Variants in PCDHGA6 observed in about 807,000 individuals in gnomAD.
PCDHGA6 encodes the protein protocadherin gamma subfamily A, 6.
In PCDHGA6, 41 loss-of-function variants were observed where a neutral mutation model predicts 60.6. That is an observed-to-expected ratio of 0.68 (90% CI 0.53 to 0.88). The LOEUF is 0.88. Ranked by LOEUF, PCDHGA6 falls within the 40% of genes least tolerant of loss-of-function variation. PCDHGA6 has a pLI of 0.00. For missense variants in PCDHGA6, 1,312 were observed against 1,203.0 expected (o/e 1.09, Z -1.34); for synonymous variants, 594 against 524.4 (o/e 1.13, Z -1.81).
At chr5:141,387,089 G>T (rs1034064461) in intron 1 of PCDHGA6, among the ~76,000 whole-genome samples, 1 of 152,162 alleles carries the variant, frequency 6.6e-6, no homozygotes, top group African/African-American at 2.4e-5. Flanking sequence ...TGTGATCATC[G>T]AAATGAGAAT....
At position 141,426,367 on chromosome 5, in the gene PCDHGA6, G is replaced by A. The variant is rs557191606; in HGVS notation, c.2424+49860G>A. The A allele has an allele frequency of 8.2e-4, 168 of 204,486 alleles. 3 individuals are homozygous for A. The South Asian group carries it at 0.014, about 17-fold the overall frequency. 12.7% of individuals were successfully genotyped at this position (204,486 alleles called of 1,614,324 possible). ...TTTCCTGCTGCCTTTGTTCTGCGGG[G>A]CACCCTCGGAGCAGATCCGCTACTC... is the stretch of plus-strand genomic sequence containing the variant. On this transcript the variant is annotated intron_variant, in intron 1 of 3. Transcript: ENST00000517434.
chr5:141,399,263 A>G, intron 1 of PCDHGA6: 9 of 1,613,918 alleles, frequency 5.6e-6, no homozygotes, highest in Non-Finnish European at 7.6e-6. Context: ...GGGGAGGTTA[A>G]TTGTCAATTA....
chr5:141,441,018 TG>T (rs1482478700), intron 1 of PCDHGA6: 1 of 152,164 alleles, frequency 6.6e-6, no homozygotes, highest in Non-Finnish European at 1.5e-5. Context: ...GATCAAATAG[TG>T]GAGAAATGAA....
intron 1 of PCDHGA6, chr5:141,427,723 G>T: frequency 8.9e-7 from 1 of 1,127,490 alleles, no homozygotes; most frequent in East Asian, 2.4e-5. Flanking sequence ...CTGGACCTAG[G>T]GCTGAATGGC....
At chr5:141,410,683 A>G (rs775289402) in intron 1 of PCDHGA6, 2 of 1,528,162 alleles carry the variant, frequency 1.3e-6, no homozygotes. Flanking sequence ...TATTTTAGGC[A>G]TACTACTTTA....
chr5:141,479,651 C>A (rs56818742), intron 1 of PCDHGA6: 43,954 of 152,194 alleles, frequency 0.29, 6,853 homozygotes, highest in African/African-American at 0.41. Flanking sequence ...ACAACAACAA[C>A]AATCCCAGAA....
rs764389909 is a variant in PCDHGA6, at chr5:141,491,064, ACTGTTG to A, written c.2425-3741_2425-3736del. On this transcript the variant is annotated intron_variant, in intron 1 of 3. Transcript: ENST00000517434. The surrounding 1 kb of genome is among the most constrained non-coding windows in gnomAD (Gnocchi z 6.9). ...GCCACAATGCGTGGCTCTCCTACTCACTGTTGCCACAGTCCACAGCCCCAGGACTGT... is the reference window on the plus strand; with the variant it reads ...GCCACAATGCGTGGCTCTCCTACTCACCACAGTCCACAGCCCCAGGACTGT... 1.2e-6 allele frequency: 2 copies of A among 1,613,962 alleles called. No homozygotes were observed. Among genetic ancestry groups the A allele is most frequent in the Admixed American group, 3.3e-5 (2 of 60,010 alleles).
chr5:141,424,880 C>G (rs2096845847), intron 1 of PCDHGA6, among the ~76,000 whole-genome samples: 1 of 152,162 alleles, frequency 6.6e-6, no homozygotes, highest in Admixed American at 6.5e-5. Context: ...GGAAAGGAGA[C>G]TTATCTAGGG....
chr5:141,491,982 T>G lies in PCDHGA6; in HGVS notation c.2425-2825T>G. On this transcript the variant is annotated intron_variant, in intron 1 of 3. Coordinates refer to ENST00000517434, the MANE Select transcript of PCDHGA6 (RefSeq NM_018919.3). This position sits in a 1 kb window ranked among gnomAD's most constrained non-coding sequence, Gnocchi z 6.9. Reference sequence around the variant, plus strand: ...AAAAGGCCGGGGCCTCCTTCGAGCTTCCGGTGAATTTCGGGCGATTTCCGC... The same window carrying G: ...AAAAGGCCGGGGCCTCCTTCGAGCTGCCGGTGAATTTCGGGCGATTTCCGC... The G allele has an allele frequency of 2.6e-6, 2 of 759,438 alleles. No homozygotes were observed. Among genetic ancestry groups the G allele is most frequent in the East Asian group, 3.2e-5 (1 of 31,728 alleles). The allele number at this position is 759,438 out of a possible 1,614,324, so 47.0% of individuals were successfully genotyped here. A position where few individuals can be genotyped will look rare whatever the true frequency, so the allele number is the denominator to read the frequency against.
chr5:141,421,991 A>T, intron 1 of PCDHGA6: 1 of 1,608,656 alleles, frequency 6.2e-7, no homozygotes, highest in Non-Finnish European at 8.5e-7. Context: ...GTTCCAGAAA[A>T]CATCAGCTCC....
intron 1 of PCDHGA6, among the ~76,000 whole-genome samples, chr5:141,455,769 C>T (rs1371335785): frequency 2.6e-5 from 4 of 152,014 alleles, no homozygotes; most frequent in Admixed American, 2.6e-4. Flanking sequence ...AGAGCCGGGG[C>T]TTTAAAAGAA....
chr5:141,457,942 T>C (rs2098933338), intron 1 of PCDHGA6, among the ~76,000 whole-genome samples: 1 of 152,226 alleles, frequency 6.6e-6, no homozygotes, highest in Non-Finnish European at 1.5e-5. Flanking sequence ...TTATTGGCTC[T>C]GCATGTCAAG....
chr5:141,477,191 A>C lies in PCDHGA6; in HGVS notation c.2425-17616A>C. 1 of 1,614,210 alleles carries C rather than the reference A, an allele frequency of 6.2e-7. No individual in the cohort carries two copies. The highest frequency in any genetic ancestry group is 1.1e-5 in the South Asian group (1 of 91,086). ...GGAGATCACAGTCACCTCCGTGTAC[A>C]GCCCAGTACCCGAGGATGCCCCTCT... On this transcript the variant is annotated intron_variant, in intron 1 of 3. Coordinates refer to ENST00000517434, the MANE Select transcript of PCDHGA6 (RefSeq NM_018919.3). This position sits in a 1 kb window ranked among gnomAD's most constrained non-coding sequence, Gnocchi z 4.9.
At chr5:141,394,785 G>C in intron 1 of PCDHGA6, 2 of 1,613,722 alleles carry the variant, frequency 1.2e-6, no homozygotes, top group South Asian at 2.2e-5. Flanking sequence ...CTCCGCCACT[G>C]TCACGCTCAC....
rs1378140695 is a variant in PCDHGA6, at chr5:141,485,189, A to G, written c.2425-9618A>G. On this transcript the variant is annotated intron_variant, in intron 1 of 3. Transcript: ENST00000517434. The surrounding 1 kb of genome is among the most constrained non-coding windows in gnomAD (Gnocchi z 5.7). ...GGCGGCAGCAATGCTCCGCAAGGTGAGAAGCTGGACAGAAATCTGGCGGTG... is the reference window on the plus strand; with the variant it reads ...GGCGGCAGCAATGCTCCGCAAGGTGGGAAGCTGGACAGAAATCTGGCGGTG... 1 of 1,613,726 alleles carries G rather than the reference A, an allele frequency of 6.2e-7. No homozygotes were observed. The highest frequency in any genetic ancestry group is 1.7e-5 in the Admixed American group (1 of 60,020).
intron 1 of PCDHGA6, among the ~76,000 whole-genome samples, chr5:141,455,580 T>C (rs572453788): frequency 6.6e-6 from 1 of 152,142 alleles, no homozygotes; most frequent in East Asian, 1.9e-4. Flanking sequence ...ACCCCAGCCT[T>C]TTAATATGCA....
chr5:141,471,003 C>A (rs2099246040), intron 1 of PCDHGA6, among the ~76,000 whole-genome samples: 1 of 151,658 alleles, frequency 6.6e-6, no homozygotes, highest in East Asian at 1.9e-4. Flanking sequence ...AGGCATGAGC[C>A]ACTGTGCCTG....
chr5:141,490,730 A>C lies in PCDHGA6; in HGVS notation c.2425-4077A>C. On this transcript the variant is annotated intron_variant, in intron 1 of 3. Coordinates refer to ENST00000517434, the MANE Select transcript of PCDHGA6 (RefSeq NM_018919.3). This position sits in a 1 kb window ranked among gnomAD's most constrained non-coding sequence, Gnocchi z 5.4. ...CTCACCTACTCCATTGTAGGAAATC[A>C]GGTTCAGGGAGCCCCAGCCTCCTCC... 6.2e-7 allele frequency: 1 copy of C among 1,614,188 alleles called. No homozygotes were observed. Among genetic ancestry groups the C allele is most frequent in the Non-Finnish European group, 8.5e-7 (1 of 1,180,024 alleles).
At chr5:141,414,894 A>T in intron 1 of PCDHGA6, 1 of 1,613,958 alleles carries the variant, frequency 6.2e-7, no homozygotes, top group South Asian at 1.1e-5. Flanking sequence ...CCCTCCCCAC[A>T]GACGGTTCCA....
Sources: allele counts gnomAD v4.1 joint callset (sites outside exome capture counted in the v4.1 genomes callset), GRCh38; gene constraint gnomAD v4.1.1; non-coding constraint Gnocchi (gnomAD v3.1); transcripts MANE v1.5; gene names NCBI Gene and HGNC (gene_info 2026-07-23, HGNC 2026-07-21).